LYPLAL1: variants seen among roughly 807,000 people sequenced by gnomAD.
LYPLAL1 encodes lysophospholipase like 1, also known as lysophospholipase-like protein 1.
LYPLAL1 carries 23 observed loss-of-function variants against 19.7 expected under a neutral mutation model. The observed-to-expected ratio is 1.17, with a 90% CI of 0.84 to 1.65. LYPLAL1 has a LOEUF of 1.65. LYPLAL1 is among the 40% of genes most tolerant of loss of function. The pLI is 0.00. For missense variants in LYPLAL1, 355 were observed against 279.4 expected (o/e 1.27, Z -1.93); for synonymous variants, 119 against 96.3 (o/e 1.24, Z -1.38).
the LYPLAL1 span, among the ~76,000 whole-genome samples, chr1:219,324,335 G>A: frequency 3.3e-5 from 5 of 152,270 alleles, no homozygotes; most frequent in South Asian, 4.1e-4. Flanking sequence ...TTCATAGAAT[G>A]TTCTGAAATG....
the LYPLAL1 span, among the ~76,000 whole-genome samples, chr1:219,219,520 C>A: frequency 1.3e-5 from 2 of 152,172 alleles, no homozygotes; most frequent in Non-Finnish European, 2.9e-5. Context: ...ATCTGGTAAG[C>A]CTTTGAGTTC....
At chr1:219,306,898 C>T in the LYPLAL1 span, among the ~76,000 whole-genome samples, 5 of 148,010 alleles carry the variant, frequency 3.4e-5, no homozygotes, top group East Asian at 9.9e-4. Flanking sequence ...AGTAAATCTC[C>T]TATTGGTCCT....
At chr1:219,278,162 A>G in the LYPLAL1 span, among the ~76,000 whole-genome samples, 1 of 152,186 alleles carries the variant, frequency 6.6e-6, no homozygotes, top group Admixed American at 6.5e-5. Context: ...TTTGCCAAGG[A>G]TCTTAACAAA....
chr1:219,294,792 T>C, the LYPLAL1 span, among the ~76,000 whole-genome samples: 2 of 152,136 alleles, frequency 1.3e-5, no homozygotes, highest in Non-Finnish European at 2.9e-5. Flanking sequence ...GGAATTAACA[T>C]CTTTGGAGGA....
At chr1:219,354,075 GAAGA>G in the LYPLAL1 span, among the ~76,000 whole-genome samples, 1 of 152,178 alleles carries the variant, frequency 6.6e-6, no homozygotes. Context: ...GAAGTACAGA[GAAGA>G]AAGAGAGAAG....
rs190275601 is a variant in LYPLAL1, at chr1:219,186,560, A to C, written c.192-6522A>C. Among the ~76,000 whole-genome samples, 4 of 151,660 alleles carry C rather than the reference A, an allele frequency of 2.6e-5. No individual in the cohort carries two copies. The East Asian group carries it at 7.8e-4, about 29-fold the overall frequency. On this transcript the variant is annotated intron_variant, in intron 2 of 4. Coordinates refer to ENST00000366928, the MANE Select transcript of LYPLAL1 (RefSeq NM_138794.5). ...TTTTATGGCTACTTTTATCTATAAA[A>C]TGTTCCTTTTTAATTTGTGGTAATA...
chr1:219,319,460 A>G, the LYPLAL1 span, among the ~76,000 whole-genome samples: 2 of 152,166 alleles, frequency 1.3e-5, no homozygotes, highest in Admixed American at 1.3e-4. Context: ...AAGAAGCACA[A>G]AATAATGCCC....
the LYPLAL1 span, among the ~76,000 whole-genome samples, chr1:219,344,205 C>T: frequency 6.6e-6 from 1 of 152,186 alleles, no homozygotes; most frequent in Admixed American, 6.5e-5. Context: ...TCTTCCCCTA[C>T]ACCATTTGCC....
chr1:219,191,317 T>G (rs556116099), intron 2 of LYPLAL1, among the ~76,000 whole-genome samples: 1 of 151,620 alleles, frequency 6.6e-6, no homozygotes, highest in Non-Finnish European at 1.5e-5. Context: ...TAATGAAGCA[T>G]ATTTCTTAGT....
rs531260610 is a variant in LYPLAL1 at position 219,206,723 on chromosome 1, C to CT, written c.362-3796dup. Among the ~76,000 whole-genome samples the CT allele has an allele frequency of 3.0e-3, 429 of 141,790 alleles. 1 individual carries two copies. The highest frequency in any genetic ancestry group is 0.024 in the South Asian group (109 of 4,492). 93.0% of individuals were successfully genotyped at this position (141,790 alleles called of 152,430 possible). On this transcript the variant is annotated intron_variant, in intron 3 of 4. Coordinates refer to ENST00000366928, the MANE Select transcript of LYPLAL1 (RefSeq NM_138794.5). Reference sequence around the variant, plus strand: ...GTGCGGGTAAATGTTTTCTTTCTCTCTTTTTTTTTTTTTAAGTTGTTACCA... The same window carrying CT: ...GTGCGGGTAAATGTTTTCTTTCTCTCTTTTTTTTTTTTTTAAGTTGTTACCA...
At chr1:219,425,828 T>C in the LYPLAL1 span, among the ~76,000 whole-genome samples, 1 of 152,186 alleles carries the variant, frequency 6.6e-6, no homozygotes, top group Non-Finnish European at 1.5e-5. Flanking sequence ...ACGCTTGAGC[T>C]ATATGGTGGA....
At chr1:219,444,193 G>A in the LYPLAL1 span, among the ~76,000 whole-genome samples, 1 of 152,264 alleles carries the variant, frequency 6.6e-6, no homozygotes, top group East Asian at 1.9e-4. Flanking sequence ...TGTTCCCTTA[G>A]GTATAATGAA....
the LYPLAL1 span, among the ~76,000 whole-genome samples, chr1:219,218,323 T>C: frequency 3.9e-5 from 6 of 151,926 alleles, no homozygotes; most frequent in Non-Finnish European, 8.8e-5. Context: ...TCTTGACATA[T>C]GACAAGAGCA....
At chr1:219,351,276 C>T in the LYPLAL1 span, among the ~76,000 whole-genome samples, 9 of 152,000 alleles carry the variant, frequency 5.9e-5, no homozygotes. Context: ...AGATATCCTG[C>T]TGTTAAAATA....
At chr1:219,181,525 G>C (rs1013125328) in intron 2 of LYPLAL1, among the ~76,000 whole-genome samples, 1 of 152,148 alleles carries the variant, frequency 6.6e-6, no homozygotes, top group African/African-American at 2.4e-5. Flanking sequence ...AATTGCAATA[G>C]AAAATGAAAC....
At chr1:219,214,237 A>C (rs1255999411), downstream of LYPLAL1, among the ~76,000 whole-genome samples, 1 of 152,060 alleles carries the variant, frequency 6.6e-6, no homozygotes, top group Non-Finnish European at 1.5e-5. Context: ...CCTTGGTTAT[A>C]TTGTATAATT....
At chr1:219,395,873 G>T in the LYPLAL1 span, among the ~76,000 whole-genome samples, 5 of 152,128 alleles carry the variant, frequency 3.3e-5, no homozygotes, top group Non-Finnish European at 7.4e-5. Context: ...GGAGGCCGAG[G>T]CAGGCGGATC....
At chr1:219,344,689 C>T in the LYPLAL1 span, among the ~76,000 whole-genome samples, 7 of 152,174 alleles carry the variant, frequency 4.6e-5, no homozygotes, top group African/African-American at 7.2e-5. Context: ...CCTGCTCTCC[C>T]TTTGACATCC....
the LYPLAL1 span, among the ~76,000 whole-genome samples, chr1:219,436,291 G>A: frequency 6.6e-6 from 1 of 152,182 alleles, no homozygotes; most frequent in Non-Finnish European, 1.5e-5. Flanking sequence ...AACTCTAGGT[G>A]CCTTTGTATT....
Sources: gnomAD v4.1 joint callset for allele counts (sites outside exome capture counted in the v4.1 genomes callset) on GRCh38, gnomAD v4.1.1 for gene constraint, MANE v1.5 for transcripts, NCBI Gene and HGNC (gene_info 2026-07-23, HGNC 2026-07-21) for gene names.